Variants in RGL1 observed in about 807,000 individuals in gnomAD.
The protein encoded by RGL1 is ral guanine nucleotide dissociation stimulator-like 1.
Under a neutral mutation model 95.2 loss-of-function variants are expected in RGL1, and 24 were observed. The observed-to-expected ratio is 0.25, with a 90% confidence interval of 0.18 to 0.35. The LOEUF (loss-of-function observed/expected upper bound fraction) is 0.35, where lower values mean the gene tolerates loss of function less well. Ranked by LOEUF, RGL1 falls within the 10% of genes least tolerant of loss-of-function variation. The pLI, the probability that RGL1 is intolerant of heterozygous loss-of-function variation, is 1.00. For synonymous variants in RGL1, 329 were observed against 344.9 expected, an observed-to-expected ratio of 0.95 and a Z score of 0.51; for missense variants, 715 against 936.3, an observed-to-expected ratio of 0.76 and a Z score of 3.08.
At chr1:183,774,288 A>G (rs1229320479) in intron 2 of RGL1, among the ~76,000 whole-genome samples, 2 of 152,250 alleles carry the variant, frequency 1.3e-5, no homozygotes, top group African/African-American at 2.4e-5. Context: ...CTGAGAACTG[A>G]GAAGACATAT....
At chr1:183,700,724 T>G (rs1338339899) in intron 1 of RGL1, among the ~76,000 whole-genome samples, 1 of 152,160 alleles carries the variant, frequency 6.6e-6, no homozygotes, top group Non-Finnish European at 1.5e-5. Context: ...TTTTGTATTT[T>G]TAGAAGAGAC....
At chr1:183,741,564 T>C (rs567410843) in intron 1 of RGL1, among the ~76,000 whole-genome samples, 2 of 152,372 alleles carry the variant, frequency 1.3e-5, no homozygotes, top group African/African-American at 4.8e-5. Flanking sequence ...TTTCAGACAC[T>C]ACGTTGTAAT....
chr1:183,691,136 A>G (rs1240221218), intron 1 of RGL1, among the ~76,000 whole-genome samples: 1 of 152,234 alleles, frequency 6.6e-6, no homozygotes, highest in African/African-American at 2.4e-5. Flanking sequence ...TAGGTTTTTG[A>G]ATGTAGGGAT....
intron 14 of RGL1, 126 bp downstream of exon 14, chr1:183,907,227 C>A: frequency 1.5e-6 from 1 of 647,282 alleles, no homozygotes; most frequent in Non-Finnish European, 2.8e-6. Flanking sequence ...TTTGTTAAGC[C>A]GTTTATCCTT....
intron 2 of RGL1, among the ~76,000 whole-genome samples, chr1:183,834,460 A>G (rs1395518212): frequency 6.6e-6 from 1 of 150,766 alleles, no homozygotes; most frequent in Non-Finnish European, 1.5e-5. Context: ...CAGTTCTGCA[A>G]CTCCCTCTGT....
intron 1 of RGL1, among the ~76,000 whole-genome samples, chr1:183,716,575 A>G (rs1196418137): frequency 6.6e-6 from 1 of 152,218 alleles, no homozygotes; most frequent in African/African-American, 2.4e-5. Flanking sequence ...CTTTTCTGTC[A>G]CATTCTTTTG....
chr1:183,918,731 C>T (rs564415808), intron 16 of RGL1, among the ~76,000 whole-genome samples: 2 of 152,326 alleles, frequency 1.3e-5, no homozygotes, highest in African/African-American at 4.8e-5. Context: ...AATCACCTCT[C>T]CTGCCAACCC....
intron 8 of RGL1, among the ~76,000 whole-genome samples, chr1:183,889,523 C>A (rs1667297884): frequency 6.6e-6 from 1 of 152,158 alleles, no homozygotes; most frequent in African/African-American, 2.4e-5. Context: ...CATAAGTTTA[C>A]TCAGAGTTGA....
At position 183,928,014 on chromosome 1, in the gene RGL1, T is replaced by G. The variant is rs1241348772; in HGVS notation, c.*1722T>G. On this transcript the variant is annotated 3_prime_UTR_variant, in exon 18 of 18. Coordinates refer to ENST00000360851, the MANE Select transcript of RGL1 (RefSeq NM_001297671.3). Reference sequence around the variant, plus strand: ...TGGACTACACATTGTAAAGACTGACTGGGTTTCAACTAGTCAAAAAGCACT... The same window carrying G: ...TGGACTACACATTGTAAAGACTGACGGGGTTTCAACTAGTCAAAAAGCACT... 1.3e-5 allele frequency: 2 copies of G among 152,636 alleles called. No homozygotes were observed. Among genetic ancestry groups the G allele is most frequent in the Non-Finnish European group, 2.9e-5 (2 of 68,036 alleles). 9.5% of individuals were successfully genotyped at this position (152,636 alleles called of 1,614,324 possible).
chr1:183,733,625 T>G (rs1239046637), intron 1 of RGL1, among the ~76,000 whole-genome samples: 1 of 152,210 alleles, frequency 6.6e-6, no homozygotes. Flanking sequence ...CAAGGATTTA[T>G]TTCCATTCCA....
chr1:183,874,238 G>A (rs541354912), intron 4 of RGL1, among the ~76,000 whole-genome samples: 2 of 140,418 alleles, frequency 1.4e-5, no homozygotes, highest in Non-Finnish European at 3.2e-5. Flanking sequence ...CATGTCCAAG[G>A]CTACACAGTG....
intron 13 of RGL1, among the ~76,000 whole-genome samples, chr1:183,905,323 A>C (rs1668256206): frequency 6.6e-6 from 1 of 152,178 alleles, no homozygotes; most frequent in Admixed American, 6.5e-5. Context: ...CACCACCACC[A>C]CTGTCACTGT....
At chr1:183,715,031 T>C (rs1011748559) in intron 1 of RGL1, among the ~76,000 whole-genome samples, 3 of 152,114 alleles carry the variant, frequency 2.0e-5, no homozygotes, top group Non-Finnish European at 4.4e-5. Context: ...GTAGGGATGG[T>C]TATTCTTATT....
intron 2 of RGL1, among the ~76,000 whole-genome samples, chr1:183,826,060 C>CTT (rs11428280): frequency 5.8e-4 from 86 of 147,712 alleles, no homozygotes; most frequent in Non-Finnish European, 8.4e-4. Context: ...CTGTCTCTCT[C>CTT]TTTTTTTTTT....
intron 2 of RGL1, among the ~76,000 whole-genome samples, chr1:183,757,988 C>T (rs78794796): frequency 9.8e-4 from 149 of 152,322 alleles, no homozygotes; most frequent in Non-Finnish European, 1.6e-3. Flanking sequence ...TAACTGGTAC[C>T]AATCTTGCTC....
At chr1:183,874,408 C>T (rs1666363750) in intron 4 of RGL1, among the ~76,000 whole-genome samples, 3 of 152,282 alleles carry the variant, frequency 2.0e-5, no homozygotes, top group Middle Eastern at 6.8e-3. Context: ...TAATTGGCTT[C>T]AGGCTTATCC....
intron 5 of RGL1, among the ~76,000 whole-genome samples, chr1:183,881,836 A>G (rs1310276247): frequency 6.6e-6 from 1 of 152,244 alleles, no homozygotes; most frequent in Admixed American, 6.5e-5. Flanking sequence ...GGAATGTTTG[A>G]ATACCAGGGG....
In RGL1 at chr1:183,724,345, A is replaced by T. The variant is rs1450397635; in HGVS notation, c.-32-17781A>T. On this transcript the variant is annotated intron_variant, in intron 1 of 18. Coordinates refer to the RGL1 transcript ENST00000304685. The surrounding 1 kb of genome is among the most constrained non-coding windows in gnomAD (Gnocchi z 4.1). Reference sequence around the variant, plus strand: ...TACCAGCTCAGCCACAGCAGGGTAGAGCACTAAGTGGGCTCTTGGGGTCCC... The same window carrying T: ...TACCAGCTCAGCCACAGCAGGGTAGTGCACTAAGTGGGCTCTTGGGGTCCC... 6.6e-6 allele frequency among the ~76,000 whole-genome samples: 1 copy of T among 152,180 alleles called. No individual in the cohort carries two copies. The highest frequency in any genetic ancestry group is 2.4e-5 in the African/African-American group (1 of 41,450).
At chr1:183,725,749 G>T (rs1351030057) in intron 1 of RGL1, among the ~76,000 whole-genome samples, 1 of 152,154 alleles carries the variant, frequency 6.6e-6, no homozygotes, top group Non-Finnish European at 1.5e-5. Flanking sequence ...ACTCCTTTTA[G>T]TAATTAATAG....
Sources: gnomAD v4.1 joint callset for allele counts (sites outside exome capture counted in the v4.1 genomes callset) on GRCh38, gnomAD v4.1.1 for gene constraint, Gnocchi (gnomAD v3.1) non-coding constraint, MANE v1.5 for transcripts, NCBI Gene and HGNC (gene_info 2026-07-23, HGNC 2026-07-21) for gene names.